LIN7A: variants seen among roughly 807,000 people sequenced by gnomAD.
LIN7A encodes the protein lin-7 cell polarity scaffold A.
Under a neutral mutation model 29.8 loss-of-function variants are expected in LIN7A, and 25 were observed. The ratio of observed to expected loss-of-function variants is 0.84; its 90% confidence interval spans 0.61 to 1.17. The LOEUF (loss-of-function observed/expected upper bound fraction) is 1.17, where lower values mean the gene tolerates loss of function less well. LIN7A is among the 50% of genes most tolerant of loss of function. The probability of loss-of-function intolerance (pLI) is 0.00; values close to 1 mark genes in which losing one functional copy is unlikely to be tolerated. For missense variants in LIN7A, 239 were observed against 287.0 expected (o/e 0.83, Z 1.21); for synonymous variants, 118 against 107.5 (o/e 1.10, Z -0.60).
intron 1 of LIN7A, among the ~76,000 whole-genome samples, chr12:80,899,928 A>C (rs1488449936): frequency 6.6e-6 from 1 of 151,234 alleles, no homozygotes; most frequent in Non-Finnish European, 1.5e-5. Context: ...CCACAATGCC[A>C]GGCTAATTTT....
chr12:80,880,059 G>A (rs938223714), intron 2 of LIN7A, among the ~76,000 whole-genome samples: 2 of 152,170 alleles, frequency 1.3e-5, no homozygotes, highest in Middle Eastern at 3.2e-3. Flanking sequence ...CTTTACAGAT[G>A]TTTGTAGATC....
In LIN7A at chr12:80,811,609, C is replaced by G. The variant is rs758217867; in HGVS notation, c.558G>C (p.Val186=). 6.2e-7 allele frequency: 1 copy of G among 1,614,082 alleles called. No individual in the cohort carries two copies. Among genetic ancestry groups the G allele is most frequent in the South Asian group, 1.1e-5 (1 of 91,082 alleles). ...KAAKDSVKLV[V]RYTPKVLEEM... is the part of the protein sequence containing the mutation. The stretch of plus-strand genomic sequence containing the variant: ...CTTCCAGAACTTTTGGGGTGTATCG[C>G]ACCACCAGCTTGACGCTGTCTTTAG... Residue 186 remains valine, a synonymous_variant, in exon 5 of 6, where the codon GTG becomes GTC. Coordinates refer to ENST00000552864, the MANE Select transcript of LIN7A (RefSeq NM_004664.4).
Position 80,841,302 on chromosome 12 carries a change from A to AAAAAG in LIN7A, c.483+4423_483+4427dup, listed in dbSNP as rs779487739. Among the ~76,000 whole-genome samples the AAAAAG allele has an allele frequency of 3.9e-4, 59 of 151,682 alleles. 1 individual carries two copies. The highest frequency in any genetic ancestry group is 1.9e-3 in the South Asian group (9 of 4,786). On this transcript the variant is annotated intron_variant, in intron 4 of 5. Coordinates refer to ENST00000552864, the MANE Select transcript of LIN7A (RefSeq NM_004664.4). ...TGAGACCATGAGAAAGAAAGAAAGA[A>AAAAAG]AAAAGAAAAGAAAAGAAAAGAAATG...
chr12:80,848,225 T>C (rs1173242765), intron 3 of LIN7A, 26 bp downstream of exon 3: 1 of 1,570,300 alleles, frequency 6.4e-7, no homozygotes, highest in African/African-American at 1.3e-5. Flanking sequence ...GGGTCAAGTA[T>C]ATTTTTAAAG....
intron 5 of LIN7A, among the ~76,000 whole-genome samples, chr12:80,803,245 A>G (rs144605068): frequency 6.6e-6 from 1 of 152,282 alleles, no homozygotes; most frequent in African/African-American, 2.4e-5. Flanking sequence ...ATTTTCGTCT[A>G]GTAGTTTCAC....
intron 5 of LIN7A, among the ~76,000 whole-genome samples, chr12:80,801,504 T>C (rs560135523): frequency 2.0e-5 from 3 of 152,346 alleles, no homozygotes; most frequent in East Asian, 3.9e-4. Context: ...ATTTTTAAAA[T>C]TGTATATTCA....
intron 1 of LIN7A, among the ~76,000 whole-genome samples, chr12:80,911,208 A>G (rs914090321): frequency 6.6e-6 from 1 of 151,924 alleles, no homozygotes; most frequent in East Asian, 1.9e-4. Context: ...ATACATGAAA[A>G]TGTGTCAGAA....
intron 4 of LIN7A, among the ~76,000 whole-genome samples, chr12:80,836,209 A>T (rs1232277491): frequency 6.6e-6 from 1 of 152,210 alleles, no homozygotes; most frequent in East Asian, 1.9e-4. Flanking sequence ...CACTATGTAT[A>T]CTTTAGTCAC....
intron 4 of LIN7A, among the ~76,000 whole-genome samples, chr12:80,831,013 C>T (rs1377576980): frequency 6.6e-6 from 1 of 152,116 alleles, no homozygotes; most frequent in Non-Finnish European, 1.5e-5. Context: ...ATATGGATTT[C>T]CTTATTTATT....
intron 4 of LIN7A, among the ~76,000 whole-genome samples, chr12:80,821,115 A>G (rs1297953647): frequency 1.3e-5 from 2 of 152,326 alleles, no homozygotes; most frequent in African/African-American, 4.8e-5. Context: ...CTTAGCCACT[A>G]AAATTCACTG....
chr12:80,857,452 G>T (rs772610382), intron 2 of LIN7A, among the ~76,000 whole-genome samples: 1 of 152,006 alleles, frequency 6.6e-6, no homozygotes, highest in Admixed American at 6.6e-5. Flanking sequence ...ACTACTGGGC[G>T]CCTGGATAGA....
chr12:80,845,652 G>A (rs574280885), intron 4 of LIN7A, 78 bp downstream of exon 4: 6 of 1,127,742 alleles, frequency 5.3e-6, no homozygotes, highest in South Asian at 2.9e-5. Flanking sequence ...GGTTTTCAAC[G>A]TTGACTTCAG....
intron 4 of LIN7A, among the ~76,000 whole-genome samples, chr12:80,820,236 A>G (rs931972031): frequency 2.0e-5 from 3 of 152,200 alleles, no homozygotes; most frequent in African/African-American, 7.2e-5. Context: ...GGGGAAAATC[A>G]TCAAATAACT....
intron 1 of LIN7A, among the ~76,000 whole-genome samples, chr12:80,889,735 C>T (rs1422285564): frequency 1.3e-5 from 2 of 152,040 alleles, no homozygotes; most frequent in East Asian, 1.9e-4. Flanking sequence ...TCAACTTTTC[C>T]TTTCCCATTT....
intron 1 of LIN7A, among the ~76,000 whole-genome samples, chr12:80,903,273 A>G (rs1287448065): frequency 6.6e-6 from 1 of 151,994 alleles, no homozygotes; most frequent in Non-Finnish European, 1.5e-5. Flanking sequence ...GATATATTGA[A>G]TAGTGGTGAT....
chr12:80,873,510 G>T (rs867931928), intron 2 of LIN7A, among the ~76,000 whole-genome samples: 2 of 150,412 alleles, frequency 1.3e-5, no homozygotes, highest in Middle Eastern at 3.2e-3. Context: ...TCCAGCCTGG[G>T]CAATAGAGCG....
intron 1 of LIN7A, among the ~76,000 whole-genome samples, chr12:80,928,982 A>G (rs1877747651): frequency 6.6e-6 from 1 of 152,166 alleles, no homozygotes; most frequent in Non-Finnish European, 1.5e-5. Flanking sequence ...GGTATGCTGT[A>G]TTAGTGTTTT....
At chr12:80,918,746 A>C (rs1877148026) in intron 1 of LIN7A, among the ~76,000 whole-genome samples, 1 of 152,212 alleles carries the variant, frequency 6.6e-6, no homozygotes, top group Non-Finnish European at 1.5e-5. Flanking sequence ...CTTAAAATTC[A>C]TCTCTAAATT....
At chr12:80,892,011 TCTC>T (rs1875651417) in intron 1 of LIN7A, among the ~76,000 whole-genome samples, 1 of 152,132 alleles carries the variant, frequency 6.6e-6, no homozygotes, top group Admixed American at 6.5e-5. Flanking sequence ...TTAAAAACCA[TCTC>T]CTCAACAATG....
Sources: gnomAD v4.1 joint callset for allele counts (sites outside exome capture counted in the v4.1 genomes callset) on GRCh38, gnomAD v4.1.1 for gene constraint, MANE v1.5 for transcripts, NCBI Gene and HGNC (gene_info 2026-07-23, HGNC 2026-07-21) for gene names.